The following F8 variants were observed in gnomAD, a reference collection of about 807,000 sequenced individuals.
F8 encodes antihemophilic factor.
In F8, 12 loss-of-function variants were observed where a neutral mutation model predicts 140.6. The ratio of observed to expected loss-of-function variants is 0.09; its 90% CI spans 0.05 to 0.14. The LOEUF (loss-of-function observed/expected upper bound fraction) is 0.14, where lower values mean the gene tolerates loss of function less well. Ranked by LOEUF, F8 falls within the 10% of genes least tolerant of loss-of-function variation. The pLI, the probability that F8 is intolerant of heterozygous loss-of-function variation, is 1.00. For synonymous variants in F8, 585 were observed against 614.6 expected (o/e 0.95, Z 0.71); for missense variants, 1,354 against 1,720.7 (o/e 0.79, Z 3.77).
intron 10 of F8, 116 bp downstream of exon 10, chrX:154,960,959 T>G: frequency 3.8e-6 from 2 of 525,206 alleles, no homozygotes; most frequent in South Asian, 5.2e-5. Flanking sequence ...AGACTGGAGC[T>G]TGAGGTCCGG....
At chrX:155,005,079 A>G (rs1473936081) in intron 1 of F8, among the ~76,000 whole-genome samples, 1 of 111,874 alleles carries the variant, frequency 8.9e-6, no homozygotes, top group Admixed American at 9.4e-5. Context: ...GAGAGTTTAG[A>G]AGTACTGGTT....
intron 25 of F8, among the ~76,000 whole-genome samples, chrX:154,844,505 A>T (rs1374208239): frequency 3.6e-5 from 4 of 110,677 alleles, no homozygotes; most frequent in African/African-American, 1.3e-4. Context: ...GAGGTCCTTC[A>T]TATCCCTTGT....
Position 154,931,291 on chromosome X carries a change from C to T in F8, c.2499G>A (p.Glu833=), listed in dbSNP as rs782315824. The T allele has an allele frequency of 8.3e-7, 1 of 1,211,162 alleles. No individual in the cohort carries two copies. Among genetic ancestry groups the T allele is most frequent in the Admixed American group, 2.2e-5 (1 of 45,957 alleles). The change falls in exon 14 of 26, where the codon GAG becomes GAA. Residue 833 remains glutamate, a synonymous_variant. Transcript: ENST00000360256. ...CAGGTGATGGATCATCAGAAAAAGTCTCATATTTGGCTTCTTGGAGATCAG... is the reference window on the plus strand; with the variant it reads ...CAGGTGATGGATCATCAGAAAAAGTTTCATATTTGGCTTCTTGGAGATCAG... The part of the protein sequence containing the change: ...SLSDLQEAKY[E]TFSDDPSPGA...
At chrX:155,017,147 T>G (rs1392903565) in intron 1 of F8, among the ~76,000 whole-genome samples, 2 of 111,517 alleles carry the variant, frequency 1.8e-5, no homozygotes, top group Non-Finnish European at 3.8e-5. Flanking sequence ...CATGAGAGAG[T>G]GTTGATGCAC....
intron 9 of F8, among the ~76,000 whole-genome samples, chrX:154,962,527 T>C (rs2073400528): frequency 9.0e-6 from 1 of 111,368 alleles, no homozygotes; most frequent in Admixed American, 9.6e-5. Context: ...GGACAGTTGA[T>C]TACAGTATTA....
At chrX:154,919,728 C>T in intron 14 of F8, 1 of 343,136 alleles carries the variant, frequency 2.9e-6, no homozygotes. Context: ...CTCTCTATTA[C>T]TGAAGCACTC....
intron 1 of F8, 73 bp from the exon 2 acceptor site, chrX:154,999,673 A>T: frequency 8.8e-7 from 1 of 1,131,616 alleles, no homozygotes; most frequent in Non-Finnish European, 1.2e-6. Flanking sequence ...ATGCTTCCAT[A>T]CTACTCTTTT....
intron 25 of F8, among the ~76,000 whole-genome samples, chrX:154,859,070 T>C (rs1375168299): frequency 1.8e-5 from 2 of 111,708 alleles, no homozygotes; most frequent in Admixed American, 9.5e-5. Flanking sequence ...CTTCCCCAAG[T>C]AAGAAAGTAT....
At chrX:154,850,670 T>A in intron 25 of F8, among the ~76,000 whole-genome samples, 1 of 110,740 alleles carries the variant, frequency 9.0e-6, no homozygotes, top group Non-Finnish European at 1.9e-5. Context: ...TATATCTTCA[T>A]GTGGTCGTCC....
chrX:154,864,156 T>C (rs2072714902), intron 22 of F8, among the ~76,000 whole-genome samples: 2 of 112,542 alleles, frequency 1.8e-5, no homozygotes, highest in South Asian at 3.7e-4. Context: ...CAGTCCTGCC[T>C]GAATCCACAC....
intron 2 of F8, among the ~76,000 whole-genome samples, chrX:154,999,152 C>T (rs2073633392): frequency 9.0e-6 from 1 of 110,822 alleles, no homozygotes; most frequent in African/African-American, 3.3e-5. Flanking sequence ...AATCGATAGG[C>T]TGATATCTCT....
At chrX:154,867,364 T>C (rs782133431) in intron 22 of F8, among the ~76,000 whole-genome samples, 1 of 110,660 alleles carries the variant, frequency 9.0e-6, no homozygotes, top group Non-Finnish European at 1.9e-5. Flanking sequence ...TGATACCATA[T>C]CCAGGCAAAA....
intron 13 of F8, among the ~76,000 whole-genome samples, chrX:154,934,291 G>A (rs5987062): frequency 3.6e-5 from 4 of 111,430 alleles, no homozygotes; most frequent in African/African-American, 1.3e-4. Context: ...ATCTTATACC[G>A]CCATATCTTC....
At chrX:154,880,091 A>C (rs1394747982) in intron 22 of F8, among the ~76,000 whole-genome samples, 5 of 112,243 alleles carry the variant, frequency 4.5e-5, no homozygotes, top group Non-Finnish European at 9.4e-5. Flanking sequence ...TTAACTAACA[A>C]TGGGTTTATC....
intron 10 of F8, 58 bp downstream of exon 10, chrX:154,961,017 T>A (rs1305103631): frequency 2.6e-6 from 2 of 773,507 alleles, no homozygotes; most frequent in African/African-American, 2.0e-5. Context: ...TTATTGATGA[T>A]ATTTATCTCA....
chrX:155,003,188 C>A (rs1363358961), intron 1 of F8, among the ~76,000 whole-genome samples: 1 of 111,485 alleles, frequency 9.0e-6, no homozygotes, highest in African/African-American at 3.3e-5. Flanking sequence ...ATGCTAATGG[C>A]TTTAATGTAA....
At chrX:154,896,363 G>A (rs782110498) in intron 21 of F8, 131 bp from the exon 22 acceptor site, 64 of 661,592 alleles carry the variant, frequency 9.7e-5, no homozygotes, top group Non-Finnish European at 1.5e-4. Flanking sequence ...GTGTGCAAGT[G>A]AAGCAGTCAC....
At position 154,966,222 on chromosome X, in the gene F8, G is replaced by C. The variant is rs2073422739; in HGVS notation, c.1272-81C>G. 6.8e-6 allele frequency: 7 copies of C among 1,025,670 alleles called. No individual in the cohort carries two copies. In the Admixed American group the frequency reaches 1.7e-4, roughly 26 times the overall value. 84.5% of individuals were successfully genotyped at this position (1,025,670 alleles called of 1,213,427 possible). On this transcript the variant is annotated intron_variant, in intron 8 of 25. Transcript: ENST00000360256. Reference sequence around the variant, plus strand: ...AATCCAACTCTAAAACAGCTTATATGATTCAATCAAGGCAAGGAGTGAGAA... The same window carrying C: ...AATCCAACTCTAAAACAGCTTATATCATTCAATCAAGGCAAGGAGTGAGAA...
chrX:154,954,123 G>T, intron 11 of F8, 81 bp from the exon 12 acceptor site: 1 of 969,880 alleles, frequency 1.0e-6, no homozygotes. Flanking sequence ...TGATGAAAGC[G>T]ATGGCATGCA....
Sources: allele counts gnomAD v4.1 joint callset (sites outside exome capture counted in the v4.1 genomes callset), GRCh38; gene constraint gnomAD v4.1.1; transcripts MANE v1.5; gene names NCBI Gene and HGNC (gene_info 2026-07-23, HGNC 2026-07-21).